Variants in ASCC3 observed in about 807,000 individuals in gnomAD.
ASCC3 encodes the protein activating signal cointegrator 1 complex subunit 3, also known as ASC-1 complex subunit P200.
A neutral mutation model predicts 256.3 loss-of-function variants in ASCC3; 158 were observed. The observed-to-expected ratio is 0.62, with a 90% CI of 0.54 to 0.70. The LOEUF (loss-of-function observed/expected upper bound fraction) is 0.70. Ranked by LOEUF, ASCC3 falls within the 30% of genes least tolerant of loss-of-function variation. The pLI is 0.00. For synonymous variants in ASCC3, 948 were observed against 883.4 expected, an observed-to-expected ratio of 1.07 and a Z score of -1.30; for missense variants, 2,259 against 2,626.0, an observed-to-expected ratio of 0.86 and a Z score of 3.05.
intron 13 of ASCC3, among the ~76,000 whole-genome samples, chr6:100,709,400 CATT>C: frequency 6.6e-6 from 1 of 152,228 alleles, no homozygotes; most frequent in South Asian, 2.1e-4. Context: ...GTTCTGAAGA[CATT>C]ATGGGTTTTA....
intron 4 of ASCC3, among the ~76,000 whole-genome samples, chr6:100,815,044 T>A (rs866896215): frequency 1.3e-5 from 2 of 152,198 alleles, no homozygotes; most frequent in South Asian, 4.1e-4. Context: ...TAAATTGAGA[T>A]CTTTCTAACT....
intron 24 of ASCC3, 140 bp from the exon 25 acceptor site, chr6:100,638,961 C>T: frequency 2.8e-6 from 2 of 712,656 alleles, no homozygotes; most frequent in Non-Finnish European, 4.8e-6. Flanking sequence ...ATACCCATTA[C>T]AGATCTGGCA....
intron 13 of ASCC3, among the ~76,000 whole-genome samples, chr6:100,713,782 CTA>C (rs1158648655): frequency 6.6e-6 from 1 of 151,744 alleles, no homozygotes; most frequent in Non-Finnish European, 1.5e-5. Flanking sequence ...TTGATATTCC[CTA>C]TACAAAAAGA....
rs139537171 is a variant in ASCC3, at chr6:100,652,519, C to T, written c.2988+206G>A. ...TTGGGTGTGTTTATTGCTTGGGATA[C>T]ACTCATTGAATAGGATGACAAGAGG... On this transcript the variant is annotated intron_variant, in intron 18 of 41. Coordinates refer to ENST00000369162, the MANE Select transcript of ASCC3 (RefSeq NM_006828.4). 6.4e-3 allele frequency among the ~76,000 whole-genome samples: 981 copies of T among 152,232 alleles called. 6 individuals carry two copies. Among genetic ancestry groups the T allele is most frequent in the African/African-American group, 0.023 (949 of 41,554 alleles).
chr6:100,547,250 A>C (rs960085818), intron 36 of ASCC3, among the ~76,000 whole-genome samples: 12 of 152,082 alleles, frequency 7.9e-5, no homozygotes, highest in Non-Finnish European at 1.6e-4. Flanking sequence ...ACCTAAATAT[A>C]AAATCTAAAA....
At chr6:100,753,690 T>C (rs545993275) in intron 10 of ASCC3, among the ~76,000 whole-genome samples, 3 of 152,214 alleles carry the variant, frequency 2.0e-5, no homozygotes, top group Middle Eastern at 6.8e-3. Context: ...ATGTCTTCTA[T>C]CTAGAGGAGA....
chr6:100,553,395 T>G (rs1386173552), intron 36 of ASCC3, among the ~76,000 whole-genome samples: 1 of 152,074 alleles, frequency 6.6e-6, no homozygotes, highest in Non-Finnish European at 1.5e-5. Flanking sequence ...ATCTACATCA[T>G]GTAGGTAATT....
At position 100,516,175 on chromosome 6, in the gene ASCC3, C is replaced by T. The variant is rs753419584; in HGVS notation, c.6075+5G>A. 6.2e-7 allele frequency: 1 copy of T among 1,613,566 alleles called. No homozygotes were observed. The highest frequency in any genetic ancestry group is 1.3e-5 in the African/African-American group (1 of 74,986). On this transcript the variant is annotated splice_donor_5th_base_variant and intron_variant, in intron 39 of 41. Transcript: ENST00000369162. Reference sequence around the variant, plus strand: ...GCCTTCAAAACACTTAAGAGATGGTCTTACCTGTTTCGTTTTTGCAGCATG... The same window carrying T: ...GCCTTCAAAACACTTAAGAGATGGTTTTACCTGTTTCGTTTTTGCAGCATG...
intron 10 of ASCC3, among the ~76,000 whole-genome samples, chr6:100,742,785 G>A (rs919960701): frequency 2.0e-5 from 3 of 152,208 alleles, no homozygotes; most frequent in Admixed American, 2.0e-4. Flanking sequence ...CCTCACCCTA[G>A]AAACTCCATC....
chr6:100,661,323 T>A (rs991356822), intron 16 of ASCC3, among the ~76,000 whole-genome samples: 8 of 141,514 alleles, frequency 5.7e-5, no homozygotes, highest in East Asian at 2.1e-4. Context: ...AACACAAAAG[T>A]CACACACACA....
chr6:100,534,029 T>G (rs1775045264), intron 37 of ASCC3, among the ~76,000 whole-genome samples: 1 of 152,126 alleles, frequency 6.6e-6, no homozygotes, highest in Non-Finnish European at 1.5e-5. Flanking sequence ...ACGCCTGTAG[T>G]CCTAGAAGTT....
chr6:100,624,482 T>A (rs534052589), intron 30 of ASCC3, among the ~76,000 whole-genome samples: 2 of 152,018 alleles, frequency 1.3e-5, no homozygotes, highest in African/African-American at 4.8e-5. Flanking sequence ...CAAATGAGGA[T>A]GTAGTAAAAC....
intron 34 of ASCC3, among the ~76,000 whole-genome samples, chr6:100,600,263 C>T (rs940298831): frequency 6.6e-6 from 1 of 150,630 alleles, no homozygotes; most frequent in African/African-American, 2.4e-5. Flanking sequence ...AGTCAGAAAA[C>T]CTGACTTCGT....
chr6:100,717,633 C>T (rs1307267284), intron 12 of ASCC3, among the ~76,000 whole-genome samples: 4 of 151,690 alleles, frequency 2.6e-5, no homozygotes, highest in Admixed American at 1.3e-4. Context: ...AACAGAACAC[C>T]TTCCTTGATG....
chr6:100,544,104 A>G (rs1775591077), intron 36 of ASCC3, among the ~76,000 whole-genome samples: 1 of 152,140 alleles, frequency 6.6e-6, no homozygotes, highest in Non-Finnish European at 1.5e-5. Flanking sequence ...AGGAAATGAG[A>G]AAGTATTTTG....
At chr6:100,584,764 T>G (rs1771550462) in intron 36 of ASCC3, among the ~76,000 whole-genome samples, 1 of 152,152 alleles carries the variant, frequency 6.6e-6, no homozygotes, top group Non-Finnish European at 1.5e-5. Flanking sequence ...CAGGAGCTCT[T>G]GTAGGGCAGG....
intron 4 of ASCC3, among the ~76,000 whole-genome samples, chr6:100,832,500 A>G (rs112204252): frequency 2.6e-5 from 4 of 152,276 alleles, no homozygotes; most frequent in African/African-American, 9.6e-5. Context: ...AATCATGAAT[A>G]TAAGAAAGGA....
intron 11 of ASCC3, 82 bp from the exon 12 acceptor site, chr6:100,718,333 C>T: frequency 8.5e-7 from 1 of 1,171,788 alleles, no homozygotes; most frequent in East Asian, 2.6e-5. Flanking sequence ...ATTAATAGGA[C>T]TTCTAAAAAC....
chr6:100,614,024 G>T (rs1773538575), intron 30 of ASCC3, among the ~76,000 whole-genome samples: 1 of 152,114 alleles, frequency 6.6e-6, no homozygotes, highest in Admixed American at 6.5e-5. Context: ...AAACTGGGTT[G>T]TAGGGTAAGA....
Sources: allele counts gnomAD v4.1 joint callset (sites outside exome capture counted in the v4.1 genomes callset), GRCh38; gene constraint gnomAD v4.1.1; transcripts MANE v1.5; gene names NCBI Gene and HGNC (gene_info 2026-07-23, HGNC 2026-07-21).